MTRR: variants seen among roughly 807,000 people sequenced by gnomAD.
MTRR encodes methionine synthase reductase.
MTRR carries 63 observed loss-of-function variants against 79.2 expected under a neutral mutation model. That is an observed-to-expected ratio of 0.80 (90% CI 0.65 to 0.98). The LOEUF is 0.98. Among genes scored for constraint, MTRR ranks in the 50% least tolerant of loss-of-function variants. MTRR has a pLI of 0.00. For missense variants in MTRR, 895 were observed against 839.6 expected (o/e 1.07, Z -0.82); for synonymous variants, 355 against 313.3 (o/e 1.13, Z -1.41).
intron 1 of MTRR, among the ~76,000 whole-genome samples, chr5:7,853,227 C>T (rs1470364448): frequency 1.3e-5 from 2 of 152,164 alleles, no homozygotes; most frequent in East Asian, 1.9e-4. Flanking sequence ...AGTGAATTCT[C>T]ACAGGATCTG....
In MTRR at chr5:7,859,844, A is replaced by G. The variant is rs546473235; in HGVS notation, n.392-2107A>G. ...TGGCAAGTTAAATTACACAATAAAT[A>G]TAAAAAACAAGCTGTAGGTTGGTGA... On this transcript the variant is annotated intron_variant and non_coding_transcript_variant, in intron 1 of 3. Coordinates refer to the MTRR transcript ENST00000502509. 7.5e-4 allele frequency among the ~76,000 whole-genome samples: 114 copies of G among 152,370 alleles called. 5 individuals carry two copies. The South Asian group carries it at 0.022, about 30-fold the overall frequency.
upstream of MTRR, among the ~76,000 whole-genome samples, chr5:7,868,635 A>C (rs1747252332): frequency 6.6e-6 from 1 of 152,112 alleles, no homozygotes; most frequent in Non-Finnish European, 1.5e-5. Context: ...GTGTCGGGAG[A>C]AGGTTAGTGT....
intron 6 of MTRR, among the ~76,000 whole-genome samples, chr5:7,884,470 C>T (rs1445770884): frequency 2.0e-5 from 3 of 152,176 alleles, no homozygotes; most frequent in African/African-American, 7.2e-5. Flanking sequence ...TAAGTAGTTG[C>T]TATACTGTAT....
intron 5 of MTRR, among the ~76,000 whole-genome samples, chr5:7,882,772 G>C (rs1735776785): frequency 6.6e-6 from 1 of 151,564 alleles, no homozygotes; most frequent in Non-Finnish European, 1.5e-5. Context: ...GGGTTCCTGT[G>C]ACCATCTACA....
intron 10 of MTRR, 36 bp from the exon 11 acceptor site, chr5:7,892,691 A>T: frequency 6.2e-7 from 1 of 1,605,742 alleles, no homozygotes; most frequent in Non-Finnish European, 8.5e-7. Flanking sequence ...AGTAGTACTG[A>T]TATCGAGTTC....
At chr5:7,891,813 C>A (rs162046) in intron 10 of MTRR, among the ~76,000 whole-genome samples, 4 of 152,018 alleles carry the variant, frequency 2.6e-5, no homozygotes, top group Non-Finnish European at 4.4e-5. Context: ...GAGGCCGAGG[C>A]GGGCGGATCA....
chr5:7,862,832 A>G, intron 2 of MTRR: 1 of 1,608,942 alleles, frequency 6.2e-7, no homozygotes, highest in Non-Finnish European at 8.5e-7. Context: ...CCTATTGTAT[A>G]ACAATAGGGT....
At chr5:7,866,959 C>T (rs1481895918), upstream of MTRR, 1 of 1,614,076 alleles carries the variant, frequency 6.2e-7, no homozygotes, top group African/African-American at 1.3e-5. Context: ...TGCAGTACTC[C>T]ATGACCCTGC....
intron 8 of MTRR, among the ~76,000 whole-genome samples, 180 bp from the exon 9 acceptor site, chr5:7,888,915 T>A (rs537891761): frequency 2.6e-5 from 4 of 152,344 alleles, no homozygotes; most frequent in Non-Finnish European, 4.4e-5. Context: ...GGAATTTTTC[T>A]AACAGGTCAA....
chr5:7,861,439 G>A (rs2126592806), intron 1 of MTRR: 1 of 633,712 alleles, frequency 1.6e-6, no homozygotes, highest in East Asian at 3.1e-5. Flanking sequence ...ATATTACAAG[G>A]AATTTCCCAA....
At chr5:7,870,718 T>C in intron 1 of MTRR, 52 bp from the exon 2 acceptor site, 2 of 1,576,260 alleles carry the variant, frequency 1.3e-6, no homozygotes, top group Non-Finnish European at 1.7e-6. Context: ...TTAATATCTT[T>C]AGGTTGTTAC....
At chr5:7,851,007 C>A, upstream of MTRR, 1 of 1,267,492 alleles carries the variant, frequency 7.9e-7, no homozygotes, top group Non-Finnish European at 9.9e-7. Flanking sequence ...TGGTCTCCTC[C>A]TCGTCGTCCT....
At chr5:7,876,414 C>T (rs1019557360) in intron 4 of MTRR, among the ~76,000 whole-genome samples, 4 of 152,190 alleles carry the variant, frequency 2.6e-5, no homozygotes, top group African/African-American at 9.7e-5. Context: ...ATGCTTGTGT[C>T]ATCCATTAGG....
Position 7,873,473 on chromosome 5 carries a change from A to G in MTRR, c.230A>G (p.Gln77Arg), listed in dbSNP as rs138569211. 4.3e-5 allele frequency: 70 copies of G among 1,614,074 alleles called. No homozygotes were observed. The highest frequency in any genetic ancestry group is 5.5e-5 in the Non-Finnish European group (65 of 1,180,046). The change falls in exon 3 of 15, where the codon CAG becomes CGG. Residue 77 changes from glutamine (Q) to arginine (R), a missense_variant. By Grantham distance (43) the Gln-to-Arg change is conservative. Transcript: ENST00000440940. ...GCCCGCAAGTTTGTTAAGGAAATAC[A>G]GAACCAAACACTGCCGGTTGATTTC... The part of the protein sequence containing the change: ...DTARKFVKEI[Q>R]NQTLPVDFFA...
At chr5:7,869,546 C>T in intron 1 of MTRR, 1 of 320,808 alleles carries the variant, frequency 3.1e-6, no homozygotes, top group South Asian at 2.9e-5. Flanking sequence ...ACGCGGGGAA[C>T]TGGGGAACAT....
At chr5:7,889,535 A>G (rs142952185) in intron 9 of MTRR, among the ~76,000 whole-genome samples, 1 of 152,124 alleles carries the variant, frequency 6.6e-6, no homozygotes. Context: ...TCCTTCCAGC[A>G]GTGTCACTAT....
At chr5:7,854,146 CA>C (rs1746156004) in intron 1 of MTRR, among the ~76,000 whole-genome samples, 1 of 152,016 alleles carries the variant, frequency 6.6e-6, no homozygotes, top group Admixed American at 6.6e-5. Context: ...CAGAGTCATA[CA>C]TTTAGGCTCC....
intron 3 of MTRR, among the ~76,000 whole-genome samples, chr5:7,873,990 T>C (rs1433574792): frequency 6.6e-6 from 1 of 152,210 alleles, no homozygotes; most frequent in Non-Finnish European, 1.5e-5. Context: ...AGGGGAGTTT[T>C]TACTAAATTA....
chr5:7,868,191 G>T, upstream of MTRR: 9 of 268,188 alleles, frequency 3.4e-5, no homozygotes, highest in Non-Finnish European at 4.9e-5. Context: ...AACTACAAAC[G>T]AGTATCTGGA....
Sources: allele counts gnomAD v4.1 joint callset (sites outside exome capture counted in the v4.1 genomes callset), GRCh38; gene constraint gnomAD v4.1.1; transcripts MANE v1.5; gene names NCBI Gene and HGNC (gene_info 2026-07-23, HGNC 2026-07-21).